LRP1B: variants seen among roughly 807,000 people sequenced by gnomAD.
LRP1B encodes low-density lipoprotein receptor-related protein 1B.
A neutral mutation model predicts 556.6 loss-of-function variants in LRP1B; 217 were observed. The observed-to-expected ratio is 0.39, with a 90% CI of 0.35 to 0.44. The LOEUF (loss-of-function observed/expected upper bound fraction) is 0.44. LRP1B is among the 20% of genes least tolerant of loss of function. The probability of loss-of-function intolerance (pLI) is 1.00; values close to 1 mark genes in which losing one functional copy is unlikely to be tolerated. For synonymous variants in LRP1B, 2,047 were observed against 1,865.8 expected (o/e 1.10, Z -2.50); for missense variants, 5,053 against 5,620.8 (o/e 0.90, Z 3.23).
chr2:141,909,397 A>G (rs1288058904), intron 1 of LRP1B, among the ~76,000 whole-genome samples: 1 of 152,044 alleles, frequency 6.6e-6, no homozygotes, highest in Non-Finnish European at 1.5e-5. Flanking sequence ...TAGATTCCTC[A>G]CTATAATTTA....
chr2:141,129,391 A>T (rs1701294086), intron 7 of LRP1B, among the ~76,000 whole-genome samples: 1 of 152,158 alleles, frequency 6.6e-6, no homozygotes, highest in Non-Finnish European at 1.5e-5. Flanking sequence ...ATGTAAAAAA[A>T]TTATAAAAAT....
chr2:140,470,419 G>A lies in LRP1B; in HGVS notation c.9625+4719C>T, dbSNP rs113566347. 8.6e-3 allele frequency among the ~76,000 whole-genome samples: 1,301 copies of A among 152,082 alleles called. 31 individuals are homozygous for A. The highest frequency in any genetic ancestry group is 0.028 in the African/African-American group (1,156 of 41,494). On this transcript the variant is annotated intron_variant, in intron 60 of 90. Coordinates refer to ENST00000389484, the MANE Select transcript of LRP1B (RefSeq NM_018557.3). Reference sequence around the variant, plus strand: ...AGCACTTTGGGAGGCCTAGGCGGGCGAAAATCAAGAGGTCGGGAGATCAAG... The same window carrying A: ...AGCACTTTGGGAGGCCTAGGCGGGCAAAAATCAAGAGGTCGGGAGATCAAG...
intron 2 of LRP1B, among the ~76,000 whole-genome samples, chr2:141,583,925 C>A (rs550482682): frequency 2.1e-5 from 3 of 145,752 alleles, no homozygotes; most frequent in African/African-American, 5.5e-5. Context: ...TTTTTAGTAG[C>A]GATGGGGTTT....
At chr2:140,468,162 C>T (rs1362296185) in intron 60 of LRP1B, among the ~76,000 whole-genome samples, 1 of 152,158 alleles carries the variant, frequency 6.6e-6, no homozygotes, top group African/African-American at 2.4e-5. Flanking sequence ...CTCTCTTCCC[C>T]ACCTTTCAGT....
chr2:141,710,256 C>A (rs1403885185), intron 2 of LRP1B, among the ~76,000 whole-genome samples: 1 of 152,052 alleles, frequency 6.6e-6, no homozygotes, highest in African/African-American at 2.4e-5. Context: ...CTATTCTTTA[C>A]TCTCAAAATG....
intron 7 of LRP1B, among the ~76,000 whole-genome samples, chr2:141,108,087 C>T (rs1276655009): frequency 6.6e-6 from 1 of 152,022 alleles, no homozygotes; most frequent in African/African-American, 2.4e-5. Context: ...CCTCAGAAAG[C>T]TAGCATTGAT....
intron 31 of LRP1B, among the ~76,000 whole-genome samples, chr2:140,821,760 C>A (rs921394267): frequency 1.3e-5 from 2 of 152,202 alleles, no homozygotes; most frequent in Middle Eastern, 3.4e-3. Context: ...GGAGGCCGGG[C>A]GCCATGGCTC....
chr2:141,168,604 A>G (rs1201671148), intron 7 of LRP1B, among the ~76,000 whole-genome samples: 2 of 152,096 alleles, frequency 1.3e-5, no homozygotes, highest in African/African-American at 4.8e-5. Flanking sequence ...CAGTAATAAT[A>G]ATTTCAAGGA....
At chr2:141,305,430 T>C (rs971772840) in intron 3 of LRP1B, among the ~76,000 whole-genome samples, 1 of 152,196 alleles carries the variant, frequency 6.6e-6, no homozygotes, top group Non-Finnish European at 1.5e-5. Flanking sequence ...TGATTTTTTA[T>C]GTTGATTTTA....
intron 13 of LRP1B, among the ~76,000 whole-genome samples, chr2:141,015,044 A>C (rs1573982740): frequency 6.6e-6 from 1 of 152,202 alleles, no homozygotes; most frequent in East Asian, 1.9e-4. Context: ...TGTTCGACTC[A>C]CAGTTAAAGT....
chr2:141,629,822 G>T (rs975513155), intron 2 of LRP1B, among the ~76,000 whole-genome samples: 6 of 151,938 alleles, frequency 3.9e-5, no homozygotes, highest in Non-Finnish European at 5.9e-5. Context: ...TCTTCTTATA[G>T]ACAATCCATA....
chr2:141,473,272 TATATACACAC>T (rs1682550912), intron 3 of LRP1B, among the ~76,000 whole-genome samples: 1 of 152,222 alleles, frequency 6.6e-6, no homozygotes, highest in Admixed American at 6.5e-5. Context: ...TATACGTTTA[TATATACACAC>T]ATATACACAT....
chr2:141,463,580 A>ATTATATATTATAT (rs1178401574), intron 3 of LRP1B, among the ~76,000 whole-genome samples: 2 of 56,434 alleles, frequency 3.5e-5, no homozygotes, highest in Admixed American at 2.5e-4. Context: ...TATTATATAT[A>ATTATATATTATAT]ATTATATATA....
At chr2:141,431,337 C>T (rs1007808173) in intron 3 of LRP1B, among the ~76,000 whole-genome samples, 1 of 151,980 alleles carries the variant, frequency 6.6e-6, no homozygotes. Flanking sequence ...CACATACGGA[C>T]TGAGAAAGAC....
intron 7 of LRP1B, among the ~76,000 whole-genome samples, chr2:141,108,456 C>A (rs568922446): frequency 1.4e-5 from 2 of 139,414 alleles, no homozygotes; most frequent in East Asian, 2.3e-4. Context: ...TCAAGCGATT[C>A]TCCTGCTTCA....
intron 83 of LRP1B, among the ~76,000 whole-genome samples, chr2:140,304,641 CAGA>C (rs1683986848): frequency 6.6e-6 from 1 of 152,166 alleles, no homozygotes; most frequent in Admixed American, 6.5e-5. Context: ...TTTTGCTGTG[CAGA>C]AGCTCTTGAG....
At chr2:141,374,631 T>C (rs887271005) in intron 3 of LRP1B, among the ~76,000 whole-genome samples, 1 of 152,176 alleles carries the variant, frequency 6.6e-6, no homozygotes, top group African/African-American at 2.4e-5. Context: ...CTTCAAGTTA[T>C]GAAATTTTGT....
intron 83 of LRP1B, among the ~76,000 whole-genome samples, chr2:140,304,572 T>C (rs1376243138): frequency 2.0e-5 from 3 of 152,090 alleles, no homozygotes; most frequent in African/African-American, 4.8e-5. Context: ...GTCGGATGAG[T>C]AGATTGCAAA....
intron 2 of LRP1B, among the ~76,000 whole-genome samples, chr2:141,791,484 AAT>A (rs1695608592): frequency 6.6e-6 from 1 of 152,036 alleles, no homozygotes; most frequent in Non-Finnish European, 1.5e-5. Context: ...TTTCAAATTA[AAT>A]ATATCTTTTA....
Sources: allele counts gnomAD v4.1 joint callset (sites outside exome capture counted in the v4.1 genomes callset), GRCh38; gene constraint gnomAD v4.1.1; transcripts MANE v1.5; gene names NCBI Gene and HGNC (gene_info 2026-07-23, HGNC 2026-07-21).